SGCD: variants seen among roughly 807,000 people sequenced by gnomAD.
The protein encoded by SGCD is delta-sarcoglycan.
A neutral mutation model predicts 36.6 loss-of-function variants in SGCD; 18 were observed. The observed-to-expected ratio is 0.49, with a 90% CI of 0.34 to 0.73. The LOEUF (loss-of-function observed/expected upper bound fraction) is 0.73, where lower values mean the gene tolerates loss of function less well. Ranked by LOEUF, SGCD falls within the 30% of genes least tolerant of loss-of-function variation. SGCD has a pLI of 0.01. For missense variants in SGCD, 387 were observed against 346.7 expected (o/e 1.12, Z -0.92); for synonymous variants, 133 against 130.6 (o/e 1.02, Z -0.12).
At chr5:156,035,513 G>A (rs1213332659) in intron 1 of SGCD, among the ~76,000 whole-genome samples, 1 of 152,092 alleles carries the variant, frequency 6.6e-6, no homozygotes, top group African/African-American at 2.4e-5. Flanking sequence ...AGGAGGCTAA[G>A]GTGGGAGAAT....
At chr5:156,704,998 T>C (rs1306329053) in intron 7 of SGCD, among the ~76,000 whole-genome samples, 1 of 151,992 alleles carries the variant, frequency 6.6e-6, no homozygotes, top group East Asian at 1.9e-4. Flanking sequence ...CCAAATCTGA[T>C]GTGAAAGTTT....
At chr5:156,431,053 A>G (rs1197023842) in intron 3 of SGCD, among the ~76,000 whole-genome samples, 1 of 152,134 alleles carries the variant, frequency 6.6e-6, no homozygotes, top group African/African-American at 2.4e-5. Flanking sequence ...CCCAGTCTTG[A>G]TGAGGGTAGC....
chr5:156,549,085 G>A (rs1758692068), intron 4 of SGCD, among the ~76,000 whole-genome samples: 1 of 150,084 alleles, frequency 6.7e-6, no homozygotes, highest in East Asian at 1.9e-4. Context: ...ATTCAGTTAT[G>A]CAGTCTAAAA....
At chr5:156,163,404 T>C (rs1453531554) in intron 3 of SGCD, among the ~76,000 whole-genome samples, 1 of 151,538 alleles carries the variant, frequency 6.6e-6, no homozygotes, top group Non-Finnish European at 1.5e-5. Context: ...GACTCTGATG[T>C]ACTTTGTCTC....
chr5:156,227,129 T>C (rs1764881274), intron 3 of SGCD, among the ~76,000 whole-genome samples: 1 of 152,204 alleles, frequency 6.6e-6, no homozygotes, highest in Non-Finnish European at 1.5e-5. Flanking sequence ...ATCTTTGTTT[T>C]ATTGCATTTG....
At chr5:156,692,685 C>T (rs370067622) in intron 7 of SGCD, among the ~76,000 whole-genome samples, 1 of 152,024 alleles carries the variant, frequency 6.6e-6, no homozygotes, top group Non-Finnish European at 1.5e-5. Flanking sequence ...GCCTAACGTG[C>T]CTTGGTTGTT....
In SGCD at chr5:156,579,692, T is replaced by C. The variant is rs184814667; in HGVS notation, c.295-9539T>C. ...TGACCTTCTTTGTCTCTTTTATTCT[T>C]TGTTGGTTTAAAGTCTGTTTTATCA... On this transcript the variant is annotated intron_variant, in intron 4 of 8. Coordinates refer to ENST00000337851, the MANE Select transcript of SGCD (RefSeq NM_000337.6). Among the ~76,000 whole-genome samples the C allele has an allele frequency of 3.9e-3, 598 of 152,320 alleles. 4 individuals are homozygous for C. The highest frequency in any genetic ancestry group is 0.014 in the African/African-American group (572 of 41,570).
At chr5:155,869,231 G>A (rs545826924), upstream of SGCD, among the ~76,000 whole-genome samples, 4 of 152,236 alleles carry the variant, frequency 2.6e-5, no homozygotes, top group South Asian at 8.3e-4. Context: ...GAAGGCAGGA[G>A]CCCTGCTTGT....
At chr5:156,238,813 G>A (rs1765230406) in intron 3 of SGCD, among the ~76,000 whole-genome samples, 1 of 152,074 alleles carries the variant, frequency 6.6e-6, no homozygotes, top group Non-Finnish European at 1.5e-5. Context: ...AGGCATTAGT[G>A]TTCTGTAGCC....
intron 1 of SGCD, among the ~76,000 whole-genome samples, chr5:155,957,539 T>C (rs1340302848): frequency 4.6e-5 from 7 of 152,090 alleles, no homozygotes; most frequent in Non-Finnish European, 1.5e-5. Flanking sequence ...GGAGAATCTA[T>C]ATCCTCTTTG....
chr5:156,556,330 G>A (rs918103945), intron 4 of SGCD, among the ~76,000 whole-genome samples: 1 of 152,040 alleles, frequency 6.6e-6, no homozygotes, highest in Non-Finnish European at 1.5e-5. Flanking sequence ...TTTCTGAAGG[G>A]TCTTTTTCTA....
upstream of SGCD, among the ~76,000 whole-genome samples, chr5:155,869,870 A>C (rs187934051): frequency 5.8e-4 from 89 of 152,152 alleles, no homozygotes; most frequent in East Asian, 0.013. Context: ...GTGGCGGTGC[A>C]TGCCTGTAGT....
At chr5:155,939,315 A>C (rs981855366) in intron 1 of SGCD, among the ~76,000 whole-genome samples, 5 of 152,182 alleles carry the variant, frequency 3.3e-5, no homozygotes, top group Non-Finnish European at 5.9e-5. Flanking sequence ...TGTTGTACAC[A>C]CTAAATATAT....
At chr5:155,825,808 G>A in the SGCD span, among the ~76,000 whole-genome samples, 3 of 151,782 alleles carry the variant, frequency 2.0e-5, no homozygotes, top group African/African-American at 7.3e-5. Flanking sequence ...GAGTGAAGTG[G>A]CACAATCTCG....
At chr5:155,831,528 C>T in the SGCD span, among the ~76,000 whole-genome samples, 6 of 152,194 alleles carry the variant, frequency 3.9e-5, no homozygotes, top group African/African-American at 1.4e-4. Flanking sequence ...ACTGAAATTA[C>T]CTGGACTTTT....
chr5:156,418,232 G>A (rs906647718), intron 3 of SGCD, among the ~76,000 whole-genome samples: 1 of 152,162 alleles, frequency 6.6e-6, no homozygotes, highest in Admixed American at 6.5e-5. Context: ...AAATGGAAGA[G>A]TTTATGAGTT....
chr5:156,497,726 AGAAAG>A, intron 3 of SGCD, among the ~76,000 whole-genome samples: 1 of 152,126 alleles, frequency 6.6e-6, no homozygotes, highest in East Asian at 1.9e-4. Context: ...AAAAAGGAAA[AGAAAG>A]GAAACTATAT....
At chr5:155,732,101 G>C in the SGCD span, among the ~76,000 whole-genome samples, 1 of 152,178 alleles carries the variant, frequency 6.6e-6, no homozygotes. Context: ...TGGCTCCTCT[G>C]GTTGACCTTG....
chr5:156,407,920 G>A (rs1421593031), intron 3 of SGCD, among the ~76,000 whole-genome samples: 5 of 152,160 alleles, frequency 3.3e-5, no homozygotes, highest in Non-Finnish European at 5.9e-5. Flanking sequence ...CCACCTTATG[G>A]TGTTGTCCTT....
Sources: gnomAD v4.1 joint callset for allele counts (sites outside exome capture counted in the v4.1 genomes callset) on GRCh38, gnomAD v4.1.1 for gene constraint, MANE v1.5 for transcripts, NCBI Gene and HGNC (gene_info 2026-07-23, HGNC 2026-07-21) for gene names.